Variants in ATP8A2 observed in about 807,000 individuals in gnomAD.
ATP8A2 encodes ATPase phospholipid transporting 8A2.
A neutral mutation model predicts 165.6 loss-of-function variants in ATP8A2; 100 were observed. The observed-to-expected ratio is 0.60, with a 90% CI of 0.51 to 0.71. The LOEUF (loss-of-function observed/expected upper bound fraction) is 0.71, where lower values mean the gene tolerates loss of function less well. Among genes scored for constraint, ATP8A2 ranks in the 30% least tolerant of loss-of-function variants. ATP8A2 has a pLI of 0.00. For missense variants in ATP8A2, 1,227 were observed against 1,479.5 expected, an observed-to-expected ratio of 0.83 and a Z score of 2.80; for synonymous variants, 543 against 548.8, an observed-to-expected ratio of 0.99 and a Z score of 0.15.
At chr13:25,419,332 A>T (rs529072419) in intron 1 of ATP8A2, among the ~76,000 whole-genome samples, 1 of 152,256 alleles carries the variant, frequency 6.6e-6, no homozygotes, top group South Asian at 2.1e-4. Context: ...AGTAGAATCT[A>T]CTTTCTTTTC....
chr13:25,624,632 TA>T (rs1732502486), intron 24 of ATP8A2, among the ~76,000 whole-genome samples: 1 of 152,194 alleles, frequency 6.6e-6, no homozygotes, highest in Non-Finnish European at 1.5e-5. Context: ...TTATATGTTC[TA>T]AAGGCAATTG....
chr13:25,595,678 A>C (rs1336006672), intron 24 of ATP8A2, among the ~76,000 whole-genome samples: 2 of 152,262 alleles, frequency 1.3e-5, no homozygotes, highest in African/African-American at 4.8e-5. Context: ...TTCTGAGAAA[A>C]GGTTATATAT....
chr13:25,784,773 T>C (rs906808904), intron 27 of ATP8A2, among the ~76,000 whole-genome samples: 3 of 152,134 alleles, frequency 2.0e-5, no homozygotes, highest in African/African-American at 7.2e-5. Context: ...TTCTTTTTTT[T>C]TCTTTTGTTT....
intron 24 of ATP8A2, among the ~76,000 whole-genome samples, chr13:25,668,173 C>T (rs2042192869): frequency 6.6e-6 from 1 of 152,102 alleles, no homozygotes; most frequent in South Asian, 2.1e-4. Context: ...TATGAAATGT[C>T]CTTTCCTCTC....
rs566499778 is a variant in ATP8A2, at chr13:25,799,474, T to C, written c.2679+24515T>C. On this transcript the variant is annotated intron_variant, in intron 27 of 36. Coordinates refer to ENST00000381655, the MANE Select transcript of ATP8A2 (RefSeq NM_016529.6). ...TCCTTTGGTGGCATGAATATGGAGC[T>C]CCTACCTGAGTCTAAACACATGCAG... Among the ~76,000 whole-genome samples, 5 of 152,296 alleles carry C rather than the reference T, an allele frequency of 3.3e-5. No homozygotes were observed. In the East Asian group the frequency reaches 9.6e-4, roughly 29 times the overall value.
At chr13:25,869,511 A>G (rs1319562636) in intron 33 of ATP8A2, among the ~76,000 whole-genome samples, 3 of 152,198 alleles carry the variant, frequency 2.0e-5, no homozygotes, top group Non-Finnish European at 2.9e-5. Context: ...TGCCTAAGAC[A>G]TTTATGAAGC....
At chr13:25,681,081 A>C (rs9319233) in intron 24 of ATP8A2, among the ~76,000 whole-genome samples, 150,911 of 152,298 alleles carry the variant, frequency 0.99, 74,784 homozygotes, top group East Asian at 1. Flanking sequence ...TCTAGGAAAA[A>C]TAGAAATTCT....
At chr13:25,743,542 T>A (rs574113222) in intron 25 of ATP8A2, among the ~76,000 whole-genome samples, 1 of 152,228 alleles carries the variant, frequency 6.6e-6, no homozygotes, top group East Asian at 1.9e-4. Flanking sequence ...CCTTTGTGGG[T>A]GGTCACTAAA....
At chr13:25,600,531 A>T (rs2040355220) in intron 24 of ATP8A2, among the ~76,000 whole-genome samples, 1 of 152,224 alleles carries the variant, frequency 6.6e-6, no homozygotes, top group African/African-American at 2.4e-5. Context: ...AAGGAGCAGA[A>T]GCCAGCGAGC....
At chr13:25,889,245 CATATATATATATAT>C (rs200723564) in intron 33 of ATP8A2, among the ~76,000 whole-genome samples, 26 of 109,972 alleles carry the variant, frequency 2.4e-4, no homozygotes, top group South Asian at 8.5e-4. Flanking sequence ...CATCCTTTGT[CATATATATATATAT>C]ATATATATAT....
At chr13:25,739,156 C>G (rs2043852502) in intron 25 of ATP8A2, among the ~76,000 whole-genome samples, 1 of 152,338 alleles carries the variant, frequency 6.6e-6, no homozygotes, top group South Asian at 2.1e-4. Flanking sequence ...GTCTGCACAA[C>G]CCGACCTCAT....
chr13:25,512,823 G>A (rs1011926702), intron 2 of ATP8A2, among the ~76,000 whole-genome samples: 5 of 138,680 alleles, frequency 3.6e-5, no homozygotes, highest in Non-Finnish European at 4.7e-5. Flanking sequence ...GCGGCTGGCC[G>A]GGCAGAGGGG....
intron 27 of ATP8A2, among the ~76,000 whole-genome samples, chr13:25,827,239 G>C (rs889941083): frequency 9.9e-5 from 15 of 152,236 alleles, no homozygotes; most frequent in Admixed American, 3.9e-4. Context: ...ACCCCCCCGA[G>C]TAGCTGGGAT....
At chr13:25,753,301 A>G (rs769053334) in intron 25 of ATP8A2, among the ~76,000 whole-genome samples, 3 of 152,150 alleles carry the variant, frequency 2.0e-5, no homozygotes, top group Non-Finnish European at 4.4e-5. Flanking sequence ...TCGACCCACA[A>G]TCCTTTATAC....
chr13:26,003,211 T>C (rs1398165951), intron 35 of ATP8A2, among the ~76,000 whole-genome samples: 1 of 151,674 alleles, frequency 6.6e-6, no homozygotes, highest in Non-Finnish European at 1.5e-5. Context: ...TTTTTTTTTT[T>C]AATAATAACC....
At chr13:25,752,252 G>A (rs2044167683) in intron 25 of ATP8A2, among the ~76,000 whole-genome samples, 1 of 152,046 alleles carries the variant, frequency 6.6e-6, no homozygotes, top group Admixed American at 6.6e-5. Flanking sequence ...CTTGGGGTCA[G>A]GAGTTCAAGA....
At chr13:25,478,709 A>G (rs1410408836) in intron 2 of ATP8A2, among the ~76,000 whole-genome samples, 1 of 152,214 alleles carries the variant, frequency 6.6e-6, no homozygotes, top group Non-Finnish European at 1.5e-5. Context: ...CGTATAACAT[A>G]TACCATACGA....
chr13:25,563,124 A>G (rs2039208880), intron 15 of ATP8A2, among the ~76,000 whole-genome samples: 1 of 152,196 alleles, frequency 6.6e-6, no homozygotes, highest in South Asian at 2.1e-4. Context: ...AAGTTTCAAG[A>G]GGAGGCCAGG....
chr13:25,842,680 A>G (rs970426728), intron 30 of ATP8A2, among the ~76,000 whole-genome samples: 2 of 151,554 alleles, frequency 1.3e-5, no homozygotes, highest in South Asian at 2.1e-4. Flanking sequence ...AAAAAAAAAA[A>G]GAAAGAAAGA....
Sources: allele counts gnomAD v4.1 joint callset (sites outside exome capture counted in the v4.1 genomes callset), GRCh38; gene constraint gnomAD v4.1.1; transcripts MANE v1.5; gene names NCBI Gene and HGNC (gene_info 2026-07-23, HGNC 2026-07-21).